LYRM4: variants seen among roughly 807,000 people sequenced by gnomAD.
The protein encoded by LYRM4 is LYR motif containing 4, also known as LYR motif-containing protein 4.
LYRM4 carries 9 observed loss-of-function variants against 11.7 expected under a neutral mutation model. The observed-to-expected ratio is 0.77, with a 90% CI of 0.46 to 1.34. LYRM4 has a LOEUF of 1.34. Among genes scored for constraint, LYRM4 ranks in the 40% most tolerant of loss-of-function variants. The pLI is 0.00. For missense variants in LYRM4, 133 were observed against 112.5 expected, an observed-to-expected ratio of 1.18 and a Z score of -0.82; for synonymous variants, 42 against 40.4, an observed-to-expected ratio of 1.04 and a Z score of -0.15.
intron 1 of LYRM4, among the ~76,000 whole-genome samples, chr6:5,245,497 T>A (rs1356161474): frequency 6.6e-6 from 1 of 151,420 alleles, no homozygotes; most frequent in Non-Finnish European, 1.5e-5. Context: ...GTGGCAAGAG[T>A]GATGGGGACA....
At chr6:5,086,299 C>G in the LYRM4 span, 10 of 1,535,538 alleles carry the variant, frequency 6.5e-6, no homozygotes, top group African/African-American at 9.6e-5. Context: ...GCCCGAGCCG[C>G]TGGAGCCACA....
chr6:5,120,797 G>A (rs575619867), intron 2 of LYRM4, among the ~76,000 whole-genome samples: 63 of 152,262 alleles, frequency 4.1e-4, no homozygotes, highest in African/African-American at 1.4e-3. Context: ...CCTCTAGCTA[G>A]CTACAGAGTG....
chr6:5,189,404 A>T (rs964069159), intron 2 of LYRM4, among the ~76,000 whole-genome samples: 1 of 151,628 alleles, frequency 6.6e-6, no homozygotes, highest in Non-Finnish European at 1.5e-5. Context: ...GCTTAGCCTA[A>T]GGTTAGTGGT....
intron 2 of LYRM4, among the ~76,000 whole-genome samples, chr6:5,115,205 T>A (rs1203723885): frequency 6.6e-6 from 1 of 152,218 alleles, no homozygotes; most frequent in East Asian, 1.9e-4. Flanking sequence ...TTTTTCCTTA[T>A]AAAAGGTTTC....
At chr6:5,116,520 G>C (rs1191070429) in intron 2 of LYRM4, among the ~76,000 whole-genome samples, 3 of 152,228 alleles carry the variant, frequency 2.0e-5, no homozygotes, top group Non-Finnish European at 4.4e-5. Flanking sequence ...TGCTGCCGTG[G>C]TGCTAATGGC....
chr6:5,184,471 T>G (rs1346996691), intron 2 of LYRM4, among the ~76,000 whole-genome samples: 1 of 152,216 alleles, frequency 6.6e-6, no homozygotes, highest in East Asian at 1.9e-4. Context: ...AGGATTGATT[T>G]TGCTTTGTGG....
intron 1 of LYRM4, among the ~76,000 whole-genome samples, chr6:5,233,227 G>A (rs908704919): frequency 7.9e-5 from 12 of 152,208 alleles, no homozygotes; most frequent in African/African-American, 2.9e-4. Flanking sequence ...AATTTGGGGA[G>A]GGCCTTCTGA....
chr6:5,192,734 G>A (rs953494193), intron 2 of LYRM4, among the ~76,000 whole-genome samples: 2 of 152,216 alleles, frequency 1.3e-5, no homozygotes, highest in African/African-American at 4.8e-5. Flanking sequence ...TGTATCCAAA[G>A]CACATTTAGG....
intron 2 of LYRM4, among the ~76,000 whole-genome samples, chr6:5,154,717 G>A (rs1265517453): frequency 1.3e-5 from 2 of 152,192 alleles, no homozygotes; most frequent in Non-Finnish European, 2.9e-5. Flanking sequence ...TACTCGGGAG[G>A]CTGAGGCAGG....
At chr6:5,145,497 T>C (rs1196818391) in intron 2 of LYRM4, among the ~76,000 whole-genome samples, 1 of 152,204 alleles carries the variant, frequency 6.6e-6, no homozygotes, top group Non-Finnish European at 1.5e-5. Flanking sequence ...TCTTCATCAC[T>C]ATGACGGCGA....
the LYRM4 span, among the ~76,000 whole-genome samples, chr6:5,090,125 G>A: frequency 2.0e-5 from 3 of 152,000 alleles, no homozygotes; most frequent in African/African-American, 7.3e-5. The surrounding 1 kb of genome is among the most constrained non-coding windows in gnomAD (Gnocchi z 4.8). Context: ...GTAAGTGAAG[G>A]TCATTCTCCT....
the LYRM4 span, among the ~76,000 whole-genome samples, chr6:5,068,722 A>G: frequency 1.3e-5 from 2 of 152,226 alleles, no homozygotes; most frequent in African/African-American, 2.4e-5. This position sits in a 1 kb window ranked among gnomAD's most constrained non-coding sequence, Gnocchi z 4.0. Context: ...GTCTATCGGC[A>G]TGCATACATA....
intron 1 of LYRM4, among the ~76,000 whole-genome samples, chr6:5,255,144 C>T (rs1240610070): frequency 6.6e-6 from 1 of 152,200 alleles, no homozygotes; most frequent in Non-Finnish European, 1.5e-5. Context: ...TTGATCTCCT[C>T]CCATTTCTTC....
intron 2 of LYRM4, among the ~76,000 whole-genome samples, chr6:5,208,942 C>T (rs1369538598): frequency 2.6e-5 from 4 of 152,118 alleles, no homozygotes; most frequent in Non-Finnish European, 5.9e-5. Flanking sequence ...TCTGGAAAAA[C>T]TTCTTATATC....
At chr6:5,097,703 G>A in the LYRM4 span, among the ~76,000 whole-genome samples, 10 of 152,248 alleles carry the variant, frequency 6.6e-5, no homozygotes, top group Non-Finnish European at 1.5e-5. Flanking sequence ...GAGCCTGCAC[G>A]ACCCAATCAC....
chr6:5,069,022 G>A, the LYRM4 span, among the ~76,000 whole-genome samples: 1 of 151,868 alleles, frequency 6.6e-6, no homozygotes, highest in Non-Finnish European at 1.5e-5. Flanking sequence ...ATCCTCTTCA[G>A]ACATGCTACA....
chr6:5,059,340 CAAAA>C, the LYRM4 span, among the ~76,000 whole-genome samples: 1 of 86,016 alleles, frequency 1.2e-5, no homozygotes, highest in African/African-American at 4.0e-5. Flanking sequence ...CGCCCTGTCT[CAAAA>C]AAAAAAAAAA....
the LYRM4 span, among the ~76,000 whole-genome samples, chr6:5,074,397 C>CTTTTTT: frequency 5.2e-5 from 4 of 76,764 alleles, no homozygotes; most frequent in East Asian, 4.3e-4. Flanking sequence ...AGCACAGGTA[C>CTTTTTT]TTTTTTTTTT....
chr6:5,033,688 T>C, the LYRM4 span: 1 of 152,236 alleles, frequency 6.6e-6, no homozygotes, highest in East Asian at 1.9e-4. Flanking sequence ...ACTCCCTTGC[T>C]TGAAACACTC....
Sources: gnomAD v4.1 joint callset for allele counts (sites outside exome capture counted in the v4.1 genomes callset) on GRCh38, gnomAD v4.1.1 for gene constraint, Gnocchi (gnomAD v3.1) non-coding constraint, MANE v1.5 for transcripts, NCBI Gene and HGNC (gene_info 2026-07-23, HGNC 2026-07-21) for gene names.